NCOR2: variants seen among roughly 807,000 people sequenced by gnomAD.
The protein encoded by NCOR2 is CTG repeat protein 26.
NCOR2 carries 81 observed loss-of-function variants against 262.9 expected under a neutral mutation model. The ratio of observed to expected loss-of-function variants is 0.31; its 90% CI spans 0.26 to 0.37. The LOEUF (loss-of-function observed/expected upper bound fraction) is 0.37. Among genes scored for constraint, NCOR2 ranks in the 10% least tolerant of loss-of-function variants. The pLI is 1.00. For synonymous variants in NCOR2, 1,659 were observed against 1,559.3 expected (o/e 1.06, Z -1.51); for missense variants, 3,385 against 3,621.4 (o/e 0.93, Z 1.68).
chr12:124,421,427 G>A (rs1218947399), intron 12 of NCOR2, among the ~76,000 whole-genome samples: 1 of 152,250 alleles, frequency 6.6e-6, no homozygotes, highest in Non-Finnish European at 1.5e-5. Flanking sequence ...CTCCCTGAGG[G>A]AGACGTCGTC....
intron 1 of NCOR2, among the ~76,000 whole-genome samples, chr12:124,542,197 C>T (rs981266181): frequency 1.3e-5 from 2 of 151,990 alleles, no homozygotes; most frequent in Non-Finnish European, 2.9e-5. Flanking sequence ...TGGAGCCTTT[C>T]CCACCAGACC....
intron 7 of NCOR2, among the ~76,000 whole-genome samples, chr12:124,441,073 CA>C (rs1157928191): frequency 6.6e-6 from 1 of 152,012 alleles, no homozygotes; most frequent in Non-Finnish European, 1.5e-5. Context: ...GTCTTTTATG[CA>C]AAAGACAGCT....
chr12:124,416,566 TAGA>T (rs2042871337), intron 13 of NCOR2, among the ~76,000 whole-genome samples: 1 of 111,606 alleles, frequency 9.0e-6, no homozygotes, highest in African/African-American at 3.6e-5. Flanking sequence ...GCGGCACAGA[TAGA>T]CCCCGCGGCA....
At chr12:124,387,341 GCTAA>G (rs1372476537) in intron 16 of NCOR2, among the ~76,000 whole-genome samples, 3 of 151,668 alleles carry the variant, frequency 2.0e-5, no homozygotes, top group Admixed American at 2.0e-4. Context: ...CCGTGGCACG[GCTAA>G]CTGACACACA....
chr12:124,342,622 C>A (rs1299031228), intron 33 of NCOR2, among the ~76,000 whole-genome samples: 1 of 152,178 alleles, frequency 6.6e-6, no homozygotes, highest in Non-Finnish European at 1.5e-5. Flanking sequence ...CCTGCCTCGG[C>A]CTCCCAAAGT....
At chr12:124,374,290 A>T (rs1287824982) in intron 19 of NCOR2, 123 bp downstream of exon 21, 1 of 994,688 alleles carries the variant, frequency 1.0e-6, no homozygotes, top group Non-Finnish European at 1.5e-6. Context: ...GCGGAGCACA[A>T]ACGGTGGCGC....
chr12:124,336,837 G>A (rs764808784), exon 38 of NCOR2: 2 of 1,612,698 alleles, frequency 1.2e-6, no homozygotes, highest in Admixed American at 1.7e-5. Flanking sequence ...GAGGCAGGTG[G>A]CGCCGGCGGG....
At chr12:124,355,119 G>C (rs1211395416) in intron 24 of NCOR2, 180 bp from the exon 27 acceptor site, 3 of 627,172 alleles carry the variant, frequency 4.8e-6, no homozygotes, top group Non-Finnish European at 8.2e-6. Flanking sequence ...CCCTGTGAAG[G>C]GGCCATGCCC....
intron 41 of NCOR2, among the ~76,000 whole-genome samples, chr12:124,333,928 G>A (rs1179463500): frequency 1.3e-5 from 2 of 150,156 alleles, no homozygotes; most frequent in African/African-American, 5.0e-5. Flanking sequence ...GCATGTGTGT[G>A]CGCGCGCATG....
chr12:124,368,564 C>G (rs1458650400), intron 20 of NCOR2, among the ~76,000 whole-genome samples: 5 of 152,230 alleles, frequency 3.3e-5, no homozygotes, highest in Non-Finnish European at 7.4e-5. Flanking sequence ...CTGGGCTGCT[C>G]ACTCCACTCT....
intron 1 of NCOR2, among the ~76,000 whole-genome samples, chr12:124,524,632 A>T (rs1593973223): frequency 6.6e-6 from 1 of 152,132 alleles, no homozygotes. Context: ...CACTCTGAGG[A>T]CCCATCAACT....
chr12:124,496,112 G>A (rs145277061), upstream of NCOR2, among the ~76,000 whole-genome samples: 5 of 152,092 alleles, frequency 3.3e-5, no homozygotes, highest in African/African-American at 7.2e-5. The surrounding 1 kb of genome is among the most constrained non-coding windows in gnomAD (Gnocchi z 4.4). Context: ...GGAATAACAC[G>A]AAGCGGGCTA....
At chr12:124,527,326 G>A (rs955835098) in intron 1 of NCOR2, among the ~76,000 whole-genome samples, 6 of 152,180 alleles carry the variant, frequency 3.9e-5, no homozygotes, top group South Asian at 2.1e-4. Context: ...GGCAAGATGC[G>A]GAACCTCTCT....
intron 33 of NCOR2, among the ~76,000 whole-genome samples, 167 bp downstream of exon 35, chr12:124,342,838 A>C (rs991045104): frequency 6.6e-6 from 1 of 152,150 alleles, no homozygotes; most frequent in African/African-American, 2.4e-5. Flanking sequence ...TTCTGCTCCA[A>C]CCTAAGCTCA....
intron 1 of NCOR2, among the ~76,000 whole-genome samples, chr12:124,492,700 C>T (rs1237336309): frequency 6.6e-6 from 1 of 152,166 alleles, no homozygotes; most frequent in African/African-American, 2.4e-5. Context: ...CGAACTGGGT[C>T]TTGCCCTTTA....
intron 3 of NCOR2, among the ~76,000 whole-genome samples, chr12:124,479,531 A>C (rs1243732): frequency 5.9e-5 from 9 of 151,844 alleles, no homozygotes; most frequent in Non-Finnish European, 1.2e-4. Flanking sequence ...GCACACGCAC[A>C]CACACACCCG....
intron 1 of NCOR2, among the ~76,000 whole-genome samples, chr12:124,505,624 G>GGTGAGGTCC (rs1420769907): frequency 1.3e-5 from 2 of 152,120 alleles, no homozygotes; most frequent in Non-Finnish European, 2.9e-5. Context: ...TGTGACCTTG[G>GGTGAGGTCC]GTGAGGTCCT....
chr12:124,450,528 G>A (rs924850347), intron 6 of NCOR2, among the ~76,000 whole-genome samples: 1 of 152,140 alleles, frequency 6.6e-6, no homozygotes, highest in African/African-American at 2.4e-5. Flanking sequence ...TGCTCACAGC[G>A]GCCAGTGAGA....
intron 17 of NCOR2, among the ~76,000 whole-genome samples, chr12:124,382,908 C>T (rs873206): frequency 6.6e-6 from 1 of 152,086 alleles, no homozygotes; most frequent in African/African-American, 2.4e-5. Flanking sequence ...GAGGTGGAAA[C>T]TGAAGCACGG....
Sources: gnomAD v4.1 joint callset for allele counts (sites outside exome capture counted in the v4.1 genomes callset) on GRCh38, gnomAD v4.1.1 for gene constraint, Gnocchi (gnomAD v3.1) non-coding constraint, MANE v1.5 for transcripts, NCBI Gene and HGNC (gene_info 2026-07-23, HGNC 2026-07-21) for gene names.